The following RALYL variants were observed in gnomAD, a reference collection of about 807,000 sequenced individuals.
The protein encoded by RALYL is RALY RNA binding protein like.
A neutral mutation model predicts 35.1 loss-of-function variants in RALYL; 29 were observed. The observed-to-expected ratio is 0.83, with a 90% CI of 0.61 to 1.13. RALYL has a LOEUF of 1.13. RALYL is among the 50% of genes most tolerant of loss of function. The pLI is 0.00. For missense variants in RALYL, 359 were observed against 360.4 expected (o/e 1.00, Z 0.03); for synonymous variants, 120 against 127.6 (o/e 0.94, Z 0.40).
intron 7 of RALYL, among the ~76,000 whole-genome samples, chr8:84,883,002 C>T (rs1842415815): frequency 6.6e-6 from 1 of 151,994 alleles, no homozygotes; most frequent in Admixed American, 6.6e-5. Context: ...TGATTTTATT[C>T]ATGGAACCTA....
intron 2 of RALYL, among the ~76,000 whole-genome samples, chr8:84,632,464 T>G (rs1051738904): frequency 1.3e-5 from 2 of 151,930 alleles, no homozygotes; most frequent in Non-Finnish European, 2.9e-5. Context: ...AAAGCAGTGT[T>G]GCACCATGTC....
At chr8:84,371,896 T>C (rs1855806164) in intron 1 of RALYL, among the ~76,000 whole-genome samples, 1 of 151,994 alleles carries the variant, frequency 6.6e-6, no homozygotes, top group Non-Finnish European at 1.5e-5. Context: ...ACACATGCAG[T>C]CAGTGAGAAT....
intron 2 of RALYL, among the ~76,000 whole-genome samples, chr8:84,707,501 G>A (rs554366992): frequency 3.8e-4 from 58 of 152,160 alleles, no homozygotes; most frequent in African/African-American, 1.3e-3. Flanking sequence ...TATACTGAGT[G>A]TCTCCCCTTA....
chr8:84,474,239 AATATG>A (rs1403319463), intron 1 of RALYL, among the ~76,000 whole-genome samples: 8 of 152,302 alleles, frequency 5.3e-5, no homozygotes, highest in South Asian at 2.1e-4. Context: ...AGAAAGGTTA[AATATG>A]ATATGAGTAA....
chr8:84,477,350 T>C (rs1022408350), intron 1 of RALYL, among the ~76,000 whole-genome samples: 1 of 140,176 alleles, frequency 7.1e-6, no homozygotes, highest in African/African-American at 2.6e-5. Flanking sequence ...TATCCATCTA[T>C]CTATTGATTT....
intron 1 of RALYL, among the ~76,000 whole-genome samples, chr8:84,214,058 A>G (rs1400511477): frequency 1.3e-5 from 2 of 152,152 alleles, no homozygotes; most frequent in Non-Finnish European, 2.9e-5. Flanking sequence ...TTTCTCTGCT[A>G]TGGCTGTGGT....
intron 1 of RALYL, among the ~76,000 whole-genome samples, chr8:84,390,164 A>G (rs546924927): frequency 1.8e-4 from 27 of 152,246 alleles, no homozygotes; most frequent in Non-Finnish European, 3.1e-4. Flanking sequence ...GCATATATTG[A>G]ACCAGCCTTG....
chr8:84,735,365 A>T (rs1056043647), intron 2 of RALYL, among the ~76,000 whole-genome samples: 2 of 152,204 alleles, frequency 1.3e-5, no homozygotes, highest in Admixed American at 6.5e-5. Context: ...AGGTTAAAAA[A>T]CAAAGCAACT....
chr8:84,379,681 C>CA (rs1857568278), intron 1 of RALYL, among the ~76,000 whole-genome samples: 1 of 151,266 alleles, frequency 6.6e-6, no homozygotes, highest in Non-Finnish European at 1.5e-5. Context: ...AAAACAAAAA[C>CA]AAAAAACTAA....
chr8:84,680,947 A>T (rs1316148167), intron 2 of RALYL, among the ~76,000 whole-genome samples: 9 of 151,888 alleles, frequency 5.9e-5, no homozygotes, highest in Non-Finnish European at 1.0e-4. Flanking sequence ...CTGAATGGTA[A>T]TGCCTAGGTT....
intron 6 of RALYL, among the ~76,000 whole-genome samples, chr8:84,868,303 C>T (rs1839553632): frequency 6.6e-6 from 1 of 152,166 alleles, no homozygotes; most frequent in Non-Finnish European, 1.5e-5. Flanking sequence ...AGCTATCCTC[C>T]CACCTCAGCC....
At chr8:84,696,854 C>T (rs1839244895) in intron 2 of RALYL, among the ~76,000 whole-genome samples, 2 of 152,060 alleles carry the variant, frequency 1.3e-5, no homozygotes, top group Non-Finnish European at 1.5e-5. Flanking sequence ...CTTTGAAACA[C>T]ATATAAGAGG....
intron 1 of RALYL, among the ~76,000 whole-genome samples, chr8:84,278,779 T>A (rs538455507): frequency 6.6e-6 from 1 of 152,314 alleles, no homozygotes; most frequent in African/African-American, 2.4e-5. Flanking sequence ...CTGGACTTCA[T>A]TGTCCATATC....
chr8:84,891,371 G>A (rs1374193580), intron 8 of RALYL, among the ~76,000 whole-genome samples: 1 of 152,064 alleles, frequency 6.6e-6, no homozygotes, highest in Non-Finnish European at 1.5e-5. Context: ...TTACAAAATA[G>A]GCAAGATCAG....
At chr8:84,696,882 G>A (rs1358384297) in intron 2 of RALYL, among the ~76,000 whole-genome samples, 1 of 151,950 alleles carries the variant, frequency 6.6e-6, no homozygotes, top group Non-Finnish European at 1.5e-5. Flanking sequence ...ATATCCAGGT[G>A]GTTCTGAGCC....
At chr8:84,452,950 G>C (rs2049677741) in intron 1 of RALYL, among the ~76,000 whole-genome samples, 1 of 151,932 alleles carries the variant, frequency 6.6e-6, no homozygotes, top group Non-Finnish European at 1.5e-5. Context: ...TAAAGGGGCT[G>C]TGTTTACCTC....
chr8:84,313,282 G>A (rs1410130700), intron 1 of RALYL, among the ~76,000 whole-genome samples: 2 of 152,196 alleles, frequency 1.3e-5, no homozygotes, highest in African/African-American at 4.8e-5. Context: ...TGTGATGGGA[G>A]GGGCTGTCTC....
intron 1 of RALYL, among the ~76,000 whole-genome samples, chr8:84,372,917 C>CTTTTTTTTTTTTTTTTTTTTT (rs1856174202): frequency 3.3e-3 from 161 of 49,030 alleles, no homozygotes; most frequent in African/African-American, 6.2e-3. Context: ...TTTTTTTTTA[C>CTTTTTTTTTTTTTTTTTTTTT]TTTTTAATAA....
chr8:84,715,896 CTTA>C (rs996255321), intron 2 of RALYL, among the ~76,000 whole-genome samples: 2 of 152,026 alleles, frequency 1.3e-5, no homozygotes, highest in East Asian at 1.9e-4. Context: ...TTAATGGTCT[CTTA>C]TTATTGACAT....
Sources: gnomAD v4.1 joint callset for allele counts (sites outside exome capture counted in the v4.1 genomes callset) on GRCh38, gnomAD v4.1.1 for gene constraint, MANE v1.5 for transcripts, NCBI Gene and HGNC (gene_info 2026-07-23, HGNC 2026-07-21) for gene names.